The following CNTNAP2 variants were observed in gnomAD, a reference collection of about 807,000 sequenced individuals.
CNTNAP2 encodes contactin associated protein 2.
Under a neutral mutation model 155.2 loss-of-function variants are expected in CNTNAP2, and 98 were observed. The observed-to-expected ratio is 0.63, with a 90% CI of 0.54 to 0.75. The LOEUF is 0.75. CNTNAP2 is among the 30% of genes least tolerant of loss of function. CNTNAP2 has a pLI of 0.00. For missense variants in CNTNAP2, 1,727 were observed against 1,688.1 expected, an observed-to-expected ratio of 1.02 and a Z score of -0.40; for synonymous variants, 651 against 631.2, an observed-to-expected ratio of 1.03 and a Z score of -0.47.
In CNTNAP2 at chr7:147,357,672, T is replaced by C. The variant is rs527488799; in HGVS notation, c.1499-37937T>C. On this transcript the variant is annotated intron_variant, in intron 9 of 23. Coordinates refer to ENST00000361727, the MANE Select transcript of CNTNAP2 (RefSeq NM_014141.6). ...ACTCTCCTGGACACGAGTCTTGTTT[T>C]ATAGTCTAGCTTAGCAGACTTCCCA... 6.6e-5 allele frequency among the ~76,000 whole-genome samples: 10 copies of C among 152,268 alleles called. No individual in the cohort carries two copies. The East Asian group carries it at 1.9e-3, about 29-fold the overall frequency.
At chr7:146,659,561 G>C (rs1800052188) in intron 1 of CNTNAP2, among the ~76,000 whole-genome samples, 1 of 152,160 alleles carries the variant, frequency 6.6e-6, no homozygotes, top group South Asian at 2.1e-4. Context: ...AGATGGTTTA[G>C]TTGGCAGCTA....
intron 1 of CNTNAP2, among the ~76,000 whole-genome samples, chr7:146,453,500 G>A (rs1724472): frequency 0.53 from 79,855 of 152,016 alleles, 24,834 homozygotes; most frequent in African/African-American, 0.87. Context: ...CAGATCCAAT[G>A]AGGTAAAATT....
At chr7:148,167,077 G>C (rs1805681670) in intron 17 of CNTNAP2, among the ~76,000 whole-genome samples, 1 of 152,172 alleles carries the variant, frequency 6.6e-6, no homozygotes, top group Non-Finnish European at 1.5e-5. Flanking sequence ...CCTTTATAGA[G>C]CGAGAAATGG....
intron 1 of CNTNAP2, among the ~76,000 whole-genome samples, chr7:146,757,846 C>G (rs1266603579): frequency 6.6e-6 from 1 of 152,026 alleles, no homozygotes; most frequent in Admixed American, 6.6e-5. Context: ...AGCAACTTTT[C>G]TCATCTCTTG....
At position 146,333,238 on chromosome 7, in the gene CNTNAP2, C is replaced by G. The variant is rs1159013089; in HGVS notation, c.97+216265C>G. Among the ~76,000 whole-genome samples the G allele has an allele frequency of 3.3e-5, 5 of 152,128 alleles. No individual in the cohort carries two copies. The East Asian group carries it at 7.7e-4, about 23-fold the overall frequency. ...GGGATTACTAGCATGAGCCACGATG[C>G]CCGGCCCCCATTTCTTCTTGTAGAA... On this transcript the variant is annotated intron_variant, in intron 1 of 23. Transcript: ENST00000361727.
intron 1 of CNTNAP2, among the ~76,000 whole-genome samples, chr7:146,341,078 T>C (rs1335110223): frequency 6.6e-6 from 1 of 152,220 alleles, no homozygotes; most frequent in Non-Finnish European, 1.5e-5. Context: ...TAATGTTTAA[T>C]AGTTATTAAA....
At chr7:147,043,383 T>C (rs1336970503) in intron 3 of CNTNAP2, among the ~76,000 whole-genome samples, 1 of 152,232 alleles carries the variant, frequency 6.6e-6, no homozygotes, top group African/African-American at 2.4e-5. Context: ...TTAACATGTT[T>C]CTGATCCATT....
intron 4 of CNTNAP2, among the ~76,000 whole-genome samples, chr7:147,078,257 G>T (rs1367737902): frequency 1.3e-5 from 2 of 152,170 alleles, no homozygotes; most frequent in African/African-American, 4.8e-5. Context: ...ACTGGCCGTT[G>T]ACTTTCTGTG....
chr7:148,085,200 CT>C (rs1803700313), intron 15 of CNTNAP2, among the ~76,000 whole-genome samples: 1 of 152,110 alleles, frequency 6.6e-6, no homozygotes, highest in Non-Finnish European at 1.5e-5. Flanking sequence ...ACCTATTTCC[CT>C]TTGGATTATT....
intron 8 of CNTNAP2, among the ~76,000 whole-genome samples, chr7:147,249,606 A>AAAAAAAAAAAAAAAAAAAAAAAAAAAC: frequency 7.3e-6 from 1 of 136,768 alleles, no homozygotes; most frequent in East Asian, 2.1e-4. Context: ...ATTGGAGGTA[A>AAAAAAAAAAAAAAAAAAAAAAAAAAAC]AAAAAAAAAA....
chr7:146,209,853 G>A (rs1341266445), intron 1 of CNTNAP2, among the ~76,000 whole-genome samples: 1 of 152,130 alleles, frequency 6.6e-6, no homozygotes, highest in Non-Finnish European at 1.5e-5. Flanking sequence ...TATATGGACA[G>A]AATAGTCCAG....
intron 13 of CNTNAP2, among the ~76,000 whole-genome samples, chr7:147,739,300 G>A (rs1433761813): frequency 6.6e-6 from 1 of 152,072 alleles, no homozygotes; most frequent in Non-Finnish European, 1.5e-5. Context: ...GTTTGTGTGT[G>A]TTCACTGTTA....
At chr7:147,181,967 A>G (rs914293804) in intron 8 of CNTNAP2, among the ~76,000 whole-genome samples, 7 of 151,998 alleles carry the variant, frequency 4.6e-5, no homozygotes, top group Admixed American at 3.9e-4. Context: ...CATACTAAAA[A>G]TACAAAAATT....
At chr7:146,925,882 C>A (rs1796598293) in intron 3 of CNTNAP2, among the ~76,000 whole-genome samples, 1 of 152,100 alleles carries the variant, frequency 6.6e-6, no homozygotes, top group South Asian at 2.1e-4. Context: ...CAATTCAATT[C>A]TCAAGGTTAA....
At chr7:147,167,730 C>T (rs1020469704) in intron 8 of CNTNAP2, among the ~76,000 whole-genome samples, 6 of 152,044 alleles carry the variant, frequency 3.9e-5, no homozygotes, top group African/African-American at 1.2e-4. Context: ...GAGTGGGCTT[C>T]GGAGTGAATG....
chr7:146,672,200 A>C (rs1235806664), intron 1 of CNTNAP2, among the ~76,000 whole-genome samples: 1 of 152,152 alleles, frequency 6.6e-6, no homozygotes, highest in African/African-American at 2.4e-5. Context: ...AAACATAACC[A>C]TTCCAAAACG....
intron 3 of CNTNAP2, among the ~76,000 whole-genome samples, chr7:146,863,081 A>G (rs1290149134): frequency 6.6e-6 from 1 of 152,184 alleles, no homozygotes; most frequent in Non-Finnish European, 1.5e-5. Flanking sequence ...TTGAAAAATA[A>G]TGATTTGATA....
intron 10 of CNTNAP2, among the ~76,000 whole-genome samples, chr7:147,477,787 T>C (rs1284282627): frequency 6.6e-6 from 1 of 152,166 alleles, no homozygotes; most frequent in Non-Finnish European, 1.5e-5. Flanking sequence ...CCCAGAAATA[T>C]TGTTTCCTGC....
intron 1 of CNTNAP2, among the ~76,000 whole-genome samples, chr7:146,163,553 A>ATATC (rs1215743375): frequency 7.1e-6 from 1 of 140,892 alleles, no homozygotes; most frequent in African/African-American, 2.8e-5. Context: ...CTATATATCT[A>ATATC]TATCTATATC....
Sources: allele counts gnomAD v4.1 joint callset (sites outside exome capture counted in the v4.1 genomes callset), GRCh38; gene constraint gnomAD v4.1.1; transcripts MANE v1.5; gene names NCBI Gene and HGNC (gene_info 2026-07-23, HGNC 2026-07-21).